The following GNAI1 variants were observed in gnomAD, a reference collection of about 807,000 sequenced individuals.
GNAI1 encodes the protein guanine nucleotide-binding protein G(i) subunit alpha-1.
A neutral mutation model predicts 38.9 loss-of-function variants in GNAI1; 11 were observed. The observed-to-expected ratio is 0.28, with a 90% CI of 0.18 to 0.47. The LOEUF is 0.47. GNAI1 is among the 20% of genes least tolerant of loss of function. The pLI, the probability that GNAI1 is intolerant of heterozygous loss-of-function variation, is 0.99. For synonymous variants in GNAI1, 166 were observed against 145.1 expected (o/e 1.14, Z -1.04); for missense variants, 317 against 436.9 (o/e 0.73, Z 2.45).
intron 3 of GNAI1, among the ~76,000 whole-genome samples, chr7:80,194,712 G>A (rs1332550557): frequency 6.6e-6 from 1 of 151,948 alleles, no homozygotes; most frequent in Admixed American, 6.6e-5. Context: ...TGGATTAATC[G>A]TATCTTTTCT....
At chr7:80,140,570 C>T (rs977708601) in intron 1 of GNAI1, among the ~76,000 whole-genome samples, 1 of 152,076 alleles carries the variant, frequency 6.6e-6, no homozygotes, top group African/African-American at 2.4e-5. Flanking sequence ...TGCAGTTAAC[C>T]AATGTATGAC....
chr7:80,148,885 TC>T (rs1006449938), intron 1 of GNAI1, among the ~76,000 whole-genome samples: 2 of 152,164 alleles, frequency 1.3e-5, no homozygotes, highest in African/African-American at 2.4e-5. Flanking sequence ...GTAATATATT[TC>T]CCACATATTT....
At chr7:80,174,506 TAAAG>T (rs1032758923) in intron 1 of GNAI1, among the ~76,000 whole-genome samples, 48 of 151,660 alleles carry the variant, frequency 3.2e-4, no homozygotes, top group Middle Eastern at 3.4e-3. Flanking sequence ...CATTATGTAT[TAAAG>T]AAAACTATAG....
intron 5 of GNAI1, among the ~76,000 whole-genome samples, chr7:80,205,633 T>C (rs1788761498): frequency 6.6e-6 from 1 of 152,112 alleles, no homozygotes; most frequent in Non-Finnish European, 1.5e-5. Context: ...TTGGTTTCTT[T>C]GTAGAAATTC....
At chr7:80,162,549 C>T (rs141075581) in intron 1 of GNAI1, among the ~76,000 whole-genome samples, 110 of 152,326 alleles carry the variant, frequency 7.2e-4, no homozygotes, top group African/African-American at 2.5e-3. Context: ...TTTGTTGCTG[C>T]ACAAGCAAAA....
intron 1 of GNAI1, among the ~76,000 whole-genome samples, chr7:80,181,145 A>T (rs1788286254): frequency 1.3e-5 from 2 of 152,180 alleles, no homozygotes; most frequent in South Asian, 4.1e-4. Context: ...ATATTGTAAA[A>T]TTTTTGTTTG....
At chr7:80,215,645 ATATT>A (rs1275645301) in intron 7 of GNAI1, among the ~76,000 whole-genome samples, 2 of 152,176 alleles carry the variant, frequency 1.3e-5, no homozygotes, top group Non-Finnish European at 2.9e-5. Flanking sequence ...GTGGGGTATG[ATATT>A]TACTCTTGAA....
chr7:80,204,966 T>G (rs2115687567), intron 5 of GNAI1, among the ~76,000 whole-genome samples: 1 of 152,296 alleles, frequency 6.6e-6, no homozygotes. Context: ...GTATTATTTA[T>G]TTCAGTACAT....
chr7:80,192,488 T>C (rs1788498978), intron 3 of GNAI1, among the ~76,000 whole-genome samples: 1 of 152,216 alleles, frequency 6.6e-6, no homozygotes, highest in Admixed American at 6.5e-5. Flanking sequence ...TTTCTTTCTA[T>C]TGATGTGTTC....
At chr7:80,188,442 T>C (rs1257096176) in intron 1 of GNAI1, among the ~76,000 whole-genome samples, 2 of 152,184 alleles carry the variant, frequency 1.3e-5, no homozygotes, top group African/African-American at 4.8e-5. Flanking sequence ...TTTATTTGAG[T>C]TGATTGACTT....
chr7:80,172,605 T>C (rs1562831359), intron 1 of GNAI1, among the ~76,000 whole-genome samples: 1 of 152,184 alleles, frequency 6.6e-6, no homozygotes, highest in Non-Finnish European at 1.5e-5. Flanking sequence ...AATGTACTCA[T>C]TTCCAGTTTC....
intron 1 of GNAI1, among the ~76,000 whole-genome samples, chr7:80,175,722 CTATTCT>C (rs1196296906): frequency 6.6e-6 from 1 of 152,048 alleles, no homozygotes; most frequent in Non-Finnish European, 1.5e-5. Context: ...TTTGATGTTA[CTATTCT>C]AATTGTTTTA....
At chr7:80,199,188 TC>T in intron 3 of GNAI1, 36 bp from the exon 4 acceptor site, 1 of 1,480,448 alleles carries the variant, frequency 6.8e-7, no homozygotes, top group African/African-American at 1.4e-5. Context: ...CTCTGACGTA[TC>T]CCTTTTTACT....
chr7:80,144,931 C>G (rs555355018), intron 1 of GNAI1, among the ~76,000 whole-genome samples: 16 of 152,262 alleles, frequency 1.1e-4, no homozygotes, highest in Admixed American at 6.5e-4. Flanking sequence ...TATTTTGTTA[C>G]TGTAAAAAGT....
chr7:80,169,858 A>G (rs1788072061), intron 1 of GNAI1, among the ~76,000 whole-genome samples: 1 of 152,198 alleles, frequency 6.6e-6, no homozygotes, highest in Admixed American at 6.5e-5. Flanking sequence ...ACCCTTACTC[A>G]ACCACTGGTC....
chr7:80,214,775 T>C (rs1348201264), intron 7 of GNAI1, among the ~76,000 whole-genome samples: 1 of 152,186 alleles, frequency 6.6e-6, no homozygotes, highest in Non-Finnish European at 1.5e-5. Context: ...TGTGTTACCC[T>C]TCTCCTCCTC....
intron 1 of GNAI1, among the ~76,000 whole-genome samples, chr7:80,152,284 T>C (rs1787741659): frequency 1.3e-5 from 2 of 152,190 alleles, no homozygotes; most frequent in African/African-American, 4.8e-5. Context: ...ATGGTATTTT[T>C]CCCTCTATTA....
In GNAI1 at chr7:80,217,656, G is replaced by A; in HGVS notation, c.*163G>A. 2.2e-6 allele frequency: 1 copy of A among 458,692 alleles called. No homozygotes were observed. The highest frequency in any genetic ancestry group is 3.9e-6 in the Non-Finnish European group (1 of 259,056). 28.4% of individuals were successfully genotyped at this position (458,692 alleles called of 1,614,324 possible). On this transcript the variant is annotated 3_prime_UTR_variant, in exon 8 of 8. Coordinates refer to ENST00000649796, the MANE Select transcript of GNAI1 (RefSeq NM_002069.6). Reference sequence around the variant, plus strand: ...TTTGTTTTTTTAACTGAAAGTAACAGAAGGACCTTTCTTAAATGTGACAGA... The same window carrying A: ...TTTGTTTTTTTAACTGAAAGTAACAAAAGGACCTTTCTTAAATGTGACAGA...
chr7:80,174,794 T>C (rs1163676246), intron 1 of GNAI1, among the ~76,000 whole-genome samples: 4 of 152,302 alleles, frequency 2.6e-5, no homozygotes, highest in Non-Finnish European at 4.4e-5. Flanking sequence ...GTCACAAATA[T>C]AAGTTTAAAT....
Sources: allele counts gnomAD v4.1 joint callset (sites outside exome capture counted in the v4.1 genomes callset), GRCh38; gene constraint gnomAD v4.1.1; transcripts MANE v1.5; gene names NCBI Gene and HGNC (gene_info 2026-07-23, HGNC 2026-07-21).